CSMD1: variants seen among roughly 807,000 people sequenced by gnomAD.
The protein encoded by CSMD1 is CUB and sushi domain-containing protein 1.
A neutral mutation model predicts 417.5 loss-of-function variants in CSMD1; 213 were observed. The ratio of observed to expected loss-of-function variants is 0.51; its 90% CI spans 0.46 to 0.57. The LOEUF (loss-of-function observed/expected upper bound fraction) is 0.57. CSMD1 is among the 20% of genes least tolerant of loss of function. The pLI, the probability that CSMD1 is intolerant of heterozygous loss-of-function variation, is 0.00. For missense variants in CSMD1, 6,923 were observed against 4,529.7 expected (o/e 1.53, Z -15.17); for synonymous variants, 2,862 against 1,736.8 (o/e 1.65, Z -16.11).
At chr8:4,334,425 C>T (rs995279590) in intron 3 of CSMD1, among the ~76,000 whole-genome samples, 7 of 152,110 alleles carry the variant, frequency 4.6e-5, no homozygotes, top group African/African-American at 1.7e-4. Flanking sequence ...CTGAGGTTTT[C>T]CAAAGAGATT....
chr8:3,964,820 A>C (rs190561618), intron 5 of CSMD1, among the ~76,000 whole-genome samples: 2 of 152,340 alleles, frequency 1.3e-5, no homozygotes, highest in East Asian at 3.9e-4. Context: ...TCACAAATGA[A>C]ATAATACACG....
intron 3 of CSMD1, among the ~76,000 whole-genome samples, chr8:4,364,962 T>C (rs904921748): frequency 1.3e-5 from 2 of 152,010 alleles, no homozygotes; most frequent in East Asian, 3.9e-4. Context: ...TGCAAGGGAT[T>C]TAATATGTTT....
chr8:3,230,619 G>T (rs974619149), intron 26 of CSMD1, among the ~76,000 whole-genome samples: 12 of 152,018 alleles, frequency 7.9e-5, no homozygotes, highest in African/African-American at 2.9e-4. Context: ...CAACCTCAAG[G>T]AAAACAAAAT....
intron 1 of CSMD1, among the ~76,000 whole-genome samples, chr8:4,831,520 T>G (rs113635488): frequency 6.6e-6 from 1 of 151,628 alleles, no homozygotes; most frequent in Non-Finnish European, 1.5e-5. Context: ...TGGTACATAT[T>G]TTTTTTTAAT....
intron 17 of CSMD1, among the ~76,000 whole-genome samples, chr8:3,393,414 C>A (rs1171618567): frequency 6.6e-6 from 1 of 152,192 alleles, no homozygotes; most frequent in Non-Finnish European, 1.5e-5. Context: ...ACACAATTAT[C>A]ACTGTATAAA....
At position 3,978,308 on chromosome 8, in the gene CSMD1, C is replaced by A. The variant is rs112293152; in HGVS notation, c.818+19595G>T. 6.6e-4 allele frequency among the ~76,000 whole-genome samples: 100 copies of A among 152,292 alleles called. 1 individual carries two copies. Among genetic ancestry groups the A allele is most frequent in the African/African-American group, 2.3e-3 (97 of 41,564 alleles). ...TGTAACCACACAAACCCCACAAAAA[C>A]AACTGTTCCCACATGGCTCTCTTTT... is the stretch of plus-strand genomic sequence containing the variant. On this transcript the variant is annotated intron_variant, in intron 5 of 69. Transcript: ENST00000635120.
chr8:4,828,271 T>C (rs1420952743), intron 1 of CSMD1, among the ~76,000 whole-genome samples: 1 of 152,210 alleles, frequency 6.6e-6, no homozygotes, highest in Non-Finnish European at 1.5e-5. Context: ...CACTTAGTAC[T>C]TTTGTTACCT....
intron 68 of CSMD1, among the ~76,000 whole-genome samples, chr8:2,943,493 G>A (rs1010318116): frequency 3.3e-5 from 5 of 152,134 alleles, no homozygotes; most frequent in Non-Finnish European, 5.9e-5. Flanking sequence ...CTCGAAAAGT[G>A]CTGGAATTAC....
At chr8:3,608,647 C>T (rs548755810) in intron 8 of CSMD1, among the ~76,000 whole-genome samples, 1 of 151,718 alleles carries the variant, frequency 6.6e-6, no homozygotes, top group East Asian at 1.9e-4. Flanking sequence ...GCCTGTAATC[C>T]CAGCTACTCA....
intron 7 of CSMD1, among the ~76,000 whole-genome samples, chr8:3,621,904 C>A (rs1340819981): frequency 2.0e-5 from 3 of 151,804 alleles, no homozygotes; most frequent in African/African-American, 7.3e-5. Flanking sequence ...TCGTGTCCAA[C>A]CAGAAGTGTA....
At position 4,397,220 on chromosome 8, in the gene CSMD1, C is replaced by T. The variant is rs1285154964; in HGVS notation, c.415+22733G>A. Among the ~76,000 whole-genome samples, 3 of 152,088 alleles carry T rather than the reference C, an allele frequency of 2.0e-5. No individual in the cohort carries two copies. The East Asian group carries it at 5.8e-4, about 29-fold the overall frequency. On this transcript the variant is annotated intron_variant, in intron 3 of 69. Coordinates refer to ENST00000635120, the MANE Select transcript of CSMD1 (RefSeq NM_033225.6). ...CCTATTTTAAAAAAAACAAGAACAG[C>T]TCCCTTCTGTTTATTTAGCGTGTGA... is the stretch of plus-strand genomic sequence containing the variant.
At chr8:3,820,748 G>T (rs989723776) in intron 5 of CSMD1, among the ~76,000 whole-genome samples, 2 of 151,914 alleles carry the variant, frequency 1.3e-5, no homozygotes, top group Admixed American at 1.3e-4. Context: ...GCAAATTGTT[G>T]TATTTTTTGT....
chr8:4,289,200 T>C (rs1332119343), intron 3 of CSMD1, among the ~76,000 whole-genome samples: 3 of 152,218 alleles, frequency 2.0e-5, no homozygotes, highest in African/African-American at 4.8e-5. Flanking sequence ...AAATACTCTT[T>C]ACCAGTTTCT....
At chr8:4,044,470 G>A (rs750871322) in intron 3 of CSMD1, among the ~76,000 whole-genome samples, 11 of 152,128 alleles carry the variant, frequency 7.2e-5, no homozygotes, top group Non-Finnish European at 1.2e-4. Context: ...TAACTGGAGG[G>A]TCACATCTCA....
rs1585242231 is a variant in CSMD1, at chr8:4,328,751, A to G, written c.415+91202T>C. Among the ~76,000 whole-genome samples the G allele has an allele frequency of 3.3e-5, 5 of 152,318 alleles. No individual in the cohort carries two copies. In the East Asian group the frequency reaches 9.6e-4, roughly 29 times the overall value. The stretch of plus-strand genomic sequence containing the variant: ...TTTACTGTTCTTGTTTTATCAAAAA[A>G]GTTACATCGTTTAAGTTAGCAATCT... On this transcript the variant is annotated intron_variant, in intron 3 of 69. Transcript: ENST00000635120.
intron 2 of CSMD1, among the ~76,000 whole-genome samples, chr8:4,632,930 A>AAGGATACTT (rs1408704228): frequency 6.6e-6 from 1 of 152,218 alleles, no homozygotes; most frequent in Non-Finnish European, 1.5e-5. Context: ...GCAACTGAAC[A>AAGGATACTT]AGGATACTTT....
At chr8:4,548,023 A>G (rs1797706156) in intron 2 of CSMD1, among the ~76,000 whole-genome samples, 1 of 152,186 alleles carries the variant, frequency 6.6e-6, no homozygotes, top group South Asian at 2.1e-4. Flanking sequence ...TCCCTTTAAA[A>G]AACATTGTGG....
chr8:3,211,831 G>C (rs1030267577), intron 30 of CSMD1, among the ~76,000 whole-genome samples: 2 of 152,212 alleles, frequency 1.3e-5, no homozygotes, highest in African/African-American at 4.8e-5. Flanking sequence ...CCAACCTCAA[G>C]AGCACAGGGC....
At chr8:4,899,184 G>T (rs551190994) in intron 1 of CSMD1, among the ~76,000 whole-genome samples, 1 of 152,148 alleles carries the variant, frequency 6.6e-6, no homozygotes, top group African/African-American at 2.4e-5. Flanking sequence ...TTATATGTGT[G>T]GGTATATGTC....
Sources: allele counts gnomAD v4.1 joint callset (sites outside exome capture counted in the v4.1 genomes callset), GRCh38; gene constraint gnomAD v4.1.1; transcripts MANE v1.5; gene names NCBI Gene and HGNC (gene_info 2026-07-23, HGNC 2026-07-21).